Variants in VPS13C observed in about 807,000 individuals in gnomAD.
VPS13C encodes the protein vacuolar protein sorting 13 homolog C, also known as intermembrane lipid transfer protein VPS13C.
Under a neutral mutation model 456.8 loss-of-function variants are expected in VPS13C, and 358 were observed. The observed-to-expected ratio is 0.78, with a 90% CI of 0.72 to 0.86. The LOEUF (loss-of-function observed/expected upper bound fraction) is 0.86, where lower values mean the gene tolerates loss of function less well. VPS13C is among the 40% of genes least tolerant of loss of function. VPS13C has a pLI of 0.00. For synonymous variants in VPS13C, 1,578 were observed against 1,486.7 expected, an observed-to-expected ratio of 1.06 and a Z score of -1.41; for missense variants, 4,818 against 4,385.4, an observed-to-expected ratio of 1.10 and a Z score of -2.79.
In VPS13C at chr15:61,942,025, T is replaced by TA. The variant is rs1388794605; in HGVS notation, c.5190dup (p.Thr1731TyrfsTer29). The TA allele has an allele frequency of 6.2e-7, 1 of 1,609,644 alleles. No individual in the cohort carries two copies. The highest frequency in any genetic ancestry group is 1.3e-5 in the African/African-American group (1 of 74,960). ...CTTTCTGCAGCCTGGACTGTGGCTG[T>TA]ACTCAAAGCTTCTTTAGCAGTTTGG... On this transcript the variant is annotated frameshift_variant, in exon 46 of 85. Transcript: ENST00000644861. LOFTEE classifies it high-confidence loss of function.
intron 66 of VPS13C, among the ~76,000 whole-genome samples, chr15:61,891,538 A>C (rs995463627): frequency 6.6e-6 from 1 of 152,230 alleles, no homozygotes; most frequent in Admixed American, 6.5e-5. Context: ...CTTAGTTCAC[A>C]GTTATTATTC....
Position 62,034,249 on chromosome 15 carries a change from C to G in VPS13C, c.284-707G>C, listed in dbSNP as rs1026495093. Among the ~76,000 whole-genome samples the G allele has an allele frequency of 3.3e-5, 5 of 151,358 alleles. No homozygotes were observed. The Admixed American group carries it at 3.3e-4, about 10-fold the overall frequency. On this transcript the variant is annotated intron_variant, in intron 4 of 84. Coordinates refer to ENST00000644861, the MANE Select transcript of VPS13C (RefSeq NM_020821.3). ...TATCAAAAATGTATATAATAAAAGG[C>G]CAAGTCAATGTTGTATATATAATGT...
intron 1 of VPS13C, among the ~76,000 whole-genome samples, chr15:62,049,508 T>C (rs955966441): frequency 2.0e-5 from 3 of 152,256 alleles, no homozygotes; most frequent in African/African-American, 4.8e-5. Context: ...TACTGTAGCC[T>C]TGCAATATAG....
At chr15:61,958,584 T>C in intron 37 of VPS13C, 24 bp downstream of exon 37, 1 of 1,268,692 alleles carries the variant, frequency 7.9e-7, no homozygotes. Flanking sequence ...ATATGTATAT[T>C]GCCACTTACT....
intron 35 of VPS13C, among the ~76,000 whole-genome samples, chr15:61,959,885 A>T (rs191135321): frequency 6.6e-6 from 1 of 152,318 alleles, no homozygotes; most frequent in African/African-American, 2.4e-5. Flanking sequence ...AAATACAGAA[A>T]ATCATCATAT....
intron 74 of VPS13C, among the ~76,000 whole-genome samples, chr15:61,877,671 T>C (rs1895548532): frequency 6.6e-6 from 1 of 151,820 alleles, no homozygotes; most frequent in Admixed American, 6.6e-5. Flanking sequence ...TCCTAACAAA[T>C]GCAGTTTTCC....
intron 13 of VPS13C, 33 bp from the exon 14 acceptor site, chr15:62,008,794 C>T (rs759561308): frequency 1.7e-5 from 21 of 1,256,746 alleles, no homozygotes; most frequent in Non-Finnish European, 2.3e-5. Flanking sequence ...ATATTTATTA[C>T]ACTGTATATA....
At chr15:61,931,811 A>C (rs1411325195) in intron 49 of VPS13C, among the ~76,000 whole-genome samples, 1 of 151,694 alleles carries the variant, frequency 6.6e-6, no homozygotes, top group Non-Finnish European at 1.5e-5. Flanking sequence ...TGAACTCCTG[A>C]CCTCATGATC....
intron 27 of VPS13C, among the ~76,000 whole-genome samples, chr15:61,970,082 G>A (rs183762568): frequency 1.6e-3 from 236 of 152,222 alleles, no homozygotes; most frequent in African/African-American, 5.4e-3. Context: ...ACTCATACTG[G>A]GGGAAGCCAG....
intron 64 of VPS13C, among the ~76,000 whole-genome samples, chr15:61,909,807 T>C (rs140451137): frequency 0.028 from 4,206 of 152,204 alleles, 220 homozygotes; most frequent in African/African-American, 0.096. Context: ...CACATTTGAG[T>C]TGGTTCCAAG....
rs1026270070 is a variant in VPS13C, at chr15:62,045,005, T to A, written c.101-750A>T. 4.6e-5 allele frequency among the ~76,000 whole-genome samples: 7 copies of A among 152,260 alleles called. No homozygotes were observed. The East Asian group carries it at 1.2e-3, about 25-fold the overall frequency. On this transcript the variant is annotated intron_variant, in intron 1 of 84. Coordinates refer to ENST00000644861, the MANE Select transcript of VPS13C (RefSeq NM_020821.3). ...AATCATTTATGACACATATATTTTT[T>A]AAAAACTATAGTAGCTATACTTCCC...
intron 66 of VPS13C, among the ~76,000 whole-genome samples, chr15:61,895,229 T>C (rs1239209341): frequency 1.3e-5 from 2 of 152,046 alleles, no homozygotes; most frequent in African/African-American, 2.4e-5. Context: ...AGAGGGAATT[T>C]TACAGCAATA....
chr15:62,037,988 G>C (rs1260641728), intron 3 of VPS13C, among the ~76,000 whole-genome samples: 3 of 152,130 alleles, frequency 2.0e-5, no homozygotes, highest in Non-Finnish European at 4.4e-5. Flanking sequence ...AGATGCTAGA[G>C]TAGTGAAAGA....
chr15:61,887,309 CACTT>C (rs1480685033), intron 67 of VPS13C, among the ~76,000 whole-genome samples: 12 of 152,112 alleles, frequency 7.9e-5, no homozygotes, highest in African/African-American at 2.9e-4. Flanking sequence ...AAGAAACAAA[CACTT>C]AGGTATAAAT....
At position 61,929,544 on chromosome 15, in the gene VPS13C, A is replaced by T. The variant is rs768585737; in HGVS notation, c.6243T>A (p.Ile2081=). The change falls in exon 51 of 85, where the codon ATT becomes ATA. Residue 2081 remains isoleucine (I), a synonymous_variant. Coordinates refer to ENST00000644861, the MANE Select transcript of VPS13C (RefSeq NM_020821.3). ...TCCCTGTGGCAGTCTGTCTTGGTAA[A>T]ATCTGTGTTTCTTTTGCCACATTTT... The part of the protein sequence containing the change: ...SPENVAKETQ[I]LPRQTATGKV... 7.6e-5 allele frequency: 122 copies of T among 1,613,890 alleles called. No homozygotes were observed. The East Asian group carries it at 2.6e-3, about 35-fold the overall frequency.
intron 8 of VPS13C, 112 bp from the exon 9 acceptor site, chr15:62,020,650 A>C: frequency 6.2e-6 from 6 of 969,192 alleles, no homozygotes; most frequent in Non-Finnish European, 9.0e-6. Context: ...CATACAACCC[A>C]AATGGATTTG....
chr15:61,926,055 G>A (rs2043837174), intron 52 of VPS13C, among the ~76,000 whole-genome samples: 1 of 152,132 alleles, frequency 6.6e-6, no homozygotes, highest in Admixed American at 6.6e-5. Flanking sequence ...AAATAGGCTT[G>A]TACCTGAACT....
At position 62,012,175 on chromosome 15, in the gene VPS13C, A is replaced by C. The variant is rs770366597; in HGVS notation, c.826-11T>G. The stretch of plus-strand genomic sequence containing the variant: ...ATTTTTCAGCTGATCCTAAACAAAA[A>C]ATTTGAATGAGAATGAAAAAGAAAA... On this transcript the variant is annotated splice_polypyrimidine_tract_variant and intron_variant, in intron 11 of 84. Coordinates refer to ENST00000644861, the MANE Select transcript of VPS13C (RefSeq NM_020821.3). 6 of 1,514,842 alleles carry C rather than the reference A, an allele frequency of 4.0e-6. No homozygotes were observed. Among genetic ancestry groups the C allele is most frequent in the South Asian group, 2.3e-5 (2 of 88,266 alleles). The allele number at this position is 1,514,842 out of a possible 1,614,324, so 93.8% of individuals were successfully genotyped here.
At chr15:62,039,935 T>C (rs753896266) in intron 3 of VPS13C, among the ~76,000 whole-genome samples, 1 of 152,134 alleles carries the variant, frequency 6.6e-6, no homozygotes, top group African/African-American at 2.4e-5. Flanking sequence ...CTATTCACAA[T>C]AGCCAAGATT....
Sources: allele counts gnomAD v4.1 joint callset (sites outside exome capture counted in the v4.1 genomes callset), GRCh38; gene constraint gnomAD v4.1.1; transcripts MANE v1.5; gene names NCBI Gene and HGNC (gene_info 2026-07-23, HGNC 2026-07-21).